EVA1A: variants seen among roughly 807,000 people sequenced by gnomAD.
EVA1A encodes eva-1 homolog A, regulator of programmed cell death.
A neutral mutation model predicts 9.8 loss-of-function variants in EVA1A; 7 were observed. The ratio of observed to expected loss-of-function variants is 0.71; its 90% CI spans 0.41 to 1.34. The LOEUF (loss-of-function observed/expected upper bound fraction) is 1.34. Among genes scored for constraint, EVA1A ranks in the 40% most tolerant of loss-of-function variants. The pLI is 0.01. For missense variants in EVA1A, 206 were observed against 205.9 expected, an observed-to-expected ratio of 1.00 and a Z score of 0.00; for synonymous variants, 90 against 85.6, an observed-to-expected ratio of 1.05 and a Z score of -0.28.
At chr2:75,518,307 T>G (rs1404268202) in intron 2 of EVA1A, 99 bp from the exon 3 acceptor site, 1 of 1,282,852 alleles carries the variant, frequency 7.8e-7, no homozygotes, top group South Asian at 1.6e-5. Context: ...TTGCAACAGC[T>G]GATTTGCAGG....
chr2:75,536,201 G>C (rs1409171393), intron 1 of EVA1A, among the ~76,000 whole-genome samples: 1 of 152,074 alleles, frequency 6.6e-6, no homozygotes, highest in African/African-American at 2.4e-5. Flanking sequence ...AGCCAGGCAT[G>C]GTGCACATCT....
rs181630227 is a variant in EVA1A at position 75,524,484 on chromosome 2, C to T, written c.-191-1997G>A. Among the ~76,000 whole-genome samples, 3 of 152,184 alleles carry T rather than the reference C, an allele frequency of 2.0e-5. No homozygotes were observed. The East Asian group carries it at 5.8e-4, about 30-fold the overall frequency. On this transcript the variant is annotated intron_variant, in intron 1 of 3. Transcript: ENST00000393913. ...CTCACGCCTAACTCCCAAAGCACTCCAACCCTCACCTGCTTGCTCTCCTCC... is the reference window on the plus strand; with the variant it reads ...CTCACGCCTAACTCCCAAAGCACTCTAACCCTCACCTGCTTGCTCTCCTCC...
intron 1 of EVA1A, among the ~76,000 whole-genome samples, chr2:75,527,375 A>C (rs1675485542): frequency 6.6e-6 from 1 of 152,136 alleles, no homozygotes; most frequent in Non-Finnish European, 1.5e-5. Context: ...ACTACATGGG[A>C]AGCCTGGACA....
chr2:75,509,430 T>C (rs1674734223), intron 3 of EVA1A, among the ~76,000 whole-genome samples: 1 of 152,184 alleles, frequency 6.6e-6, no homozygotes. Flanking sequence ...TACCCTCTCA[T>C]GTTATTAAAA....
At chr2:75,524,878 C>A (rs1475409555) in intron 1 of EVA1A, among the ~76,000 whole-genome samples, 3 of 152,108 alleles carry the variant, frequency 2.0e-5, no homozygotes, top group Non-Finnish European at 4.4e-5. Context: ...TGATCTCCAT[C>A]TCTCTATATA....
chr2:75,545,016 G>A (rs565927360), intron 1 of EVA1A, among the ~76,000 whole-genome samples: 20 of 152,266 alleles, frequency 1.3e-4, no homozygotes, highest in African/African-American at 4.6e-4. Context: ...CATTCTCATT[G>A]TTTTCATTAA....
At chr2:75,544,058 G>C (rs538372713) in intron 1 of EVA1A, among the ~76,000 whole-genome samples, 1 of 152,324 alleles carries the variant, frequency 6.6e-6, no homozygotes, top group South Asian at 2.1e-4. Context: ...ATGAGCCACA[G>C]GTTATAATAT....
intron 3 of EVA1A, among the ~76,000 whole-genome samples, chr2:75,505,326 G>A (rs1038517074): frequency 1.3e-5 from 2 of 152,096 alleles, no homozygotes; most frequent in Non-Finnish European, 2.9e-5. Flanking sequence ...TCTTTCCCAC[G>A]TGACAGTGAG....
At chr2:75,532,801 C>G (rs1675714481) in intron 1 of EVA1A, among the ~76,000 whole-genome samples, 1 of 152,082 alleles carries the variant, frequency 6.6e-6, no homozygotes, top group Admixed American at 6.5e-5. Context: ...TGGAATAAAG[C>G]CAAAGAAATC....
At chr2:75,524,987 T>G (rs1283925889) in intron 1 of EVA1A, among the ~76,000 whole-genome samples, 10 of 152,162 alleles carry the variant, frequency 6.6e-5, no homozygotes, top group Non-Finnish European at 1.2e-4. Flanking sequence ...TAATTCTCTT[T>G]CTCAAAATTT....
intron 3 of EVA1A, among the ~76,000 whole-genome samples, chr2:75,494,301 T>G (rs1338113292): frequency 6.6e-6 from 1 of 152,150 alleles, no homozygotes; most frequent in Non-Finnish European, 1.5e-5. Flanking sequence ...CTGCAGAACT[T>G]AAGTATGCAT....
In EVA1A at chr2:75,556,270, C is replaced by T. The variant is rs73938969; in HGVS notation, c.-192+4410G>A. Among the ~76,000 whole-genome samples, 686 of 152,262 alleles carry T rather than the reference C, an allele frequency of 4.5e-3. 5 individuals carry two copies. Among genetic ancestry groups the T allele is most frequent in the African/African-American group, 0.016 (648 of 41,550 alleles). ...ATTTCACAGAGAATACAGCTCAAGA[C>T]GTAAATGGGGCAAAGTGTATCTCCC... On this transcript the variant is annotated intron_variant, in intron 1 of 3. Transcript: ENST00000393913.
chr2:75,504,926 C>T (rs1438881490), intron 3 of EVA1A, among the ~76,000 whole-genome samples: 2 of 152,164 alleles, frequency 1.3e-5, no homozygotes, highest in African/African-American at 4.8e-5. Flanking sequence ...AACAAACCTG[C>T]ATGTTCTGCA....
intron 1 of EVA1A, among the ~76,000 whole-genome samples, chr2:75,538,340 G>T (rs1675992727): frequency 6.6e-6 from 1 of 152,098 alleles, no homozygotes; most frequent in Non-Finnish European, 1.5e-5. Context: ...GTTCAGCACG[G>T]TTGCAGGCAA....
chr2:75,555,306 T>TCTCC (rs397964090), intron 1 of EVA1A, among the ~76,000 whole-genome samples: 19,214 of 134,810 alleles, frequency 0.14, 1,942 homozygotes, highest in East Asian at 0.31. Context: ...ACTCAATCTC[T>TCTCC]CTCTCTCTCT....
chr2:75,564,652 T>C (rs372244700), upstream of EVA1A, among the ~76,000 whole-genome samples: 4 of 152,228 alleles, frequency 2.6e-5, no homozygotes, highest in East Asian at 7.7e-4. Flanking sequence ...GGCGCAAATG[T>C]CGTGATGACA....
intron 1 of EVA1A, among the ~76,000 whole-genome samples, chr2:75,526,675 A>T (rs1156431323): frequency 6.6e-6 from 1 of 152,234 alleles, no homozygotes; most frequent in Non-Finnish European, 1.5e-5. Context: ...GCAGGAGCTA[A>T]AGTACACGAC....
chr2:75,514,728 A>C (rs1390064010), intron 3 of EVA1A, among the ~76,000 whole-genome samples: 1 of 152,258 alleles, frequency 6.6e-6, no homozygotes, highest in African/African-American at 2.4e-5. Context: ...TTTCCCTAAT[A>C]TTTTACTACA....
intron 1 of EVA1A, among the ~76,000 whole-genome samples, chr2:75,531,076 T>C (rs1349495955): frequency 6.6e-6 from 1 of 152,140 alleles, no homozygotes; most frequent in Non-Finnish European, 1.5e-5. Context: ...AATCAATGTA[T>C]ACAAATCAAT....
Sources: allele counts gnomAD v4.1 joint callset (sites outside exome capture counted in the v4.1 genomes callset), GRCh38; gene constraint gnomAD v4.1.1; transcripts MANE v1.5; gene names NCBI Gene and HGNC (gene_info 2026-07-23, HGNC 2026-07-21).